Variants in ZHX2 observed in about 807,000 individuals in gnomAD.
ZHX2 encodes zinc fingers and homeoboxes 2.
Under a neutral mutation model 21.9 loss-of-function variants are expected in ZHX2, and 6 were observed. The ratio of observed to expected loss-of-function variants is 0.27; its 90% CI spans 0.15 to 0.54. The LOEUF is 0.54. Ranked by LOEUF, ZHX2 falls within the 20% of genes least tolerant of loss-of-function variation. The pLI is 0.95. For synonymous variants in ZHX2, 434 were observed against 437.1 expected, an observed-to-expected ratio of 0.99 and a Z score of 0.09; for missense variants, 908 against 1,090.7, an observed-to-expected ratio of 0.83 and a Z score of 2.36.
intron 2 of ZHX2, among the ~76,000 whole-genome samples, chr8:122,889,434 G>A (rs4377968): frequency 0.61 from 92,512 of 152,064 alleles, 29,078 homozygotes; most frequent in African/African-American, 0.76. Flanking sequence ...CTAGGGTGAG[G>A]TGATTTCTCA....
rs1256026235 is a variant in ZHX2, at chr8:122,951,319, G to A, written c.-192G>A. 1.3e-5 allele frequency: 8 copies of A among 592,842 alleles called. No individual in the cohort carries two copies. The East Asian group carries it at 2.3e-4, about 17-fold the overall frequency. The allele number at this position is 592,842 out of a possible 1,614,324, so 36.7% of individuals were successfully genotyped here. ...ATGATGCTTCCTGGTGTGTTTAGTG[G>A]TTGGTGCCATTCCAATTTTCTGTGC... On this transcript the variant is annotated 5_prime_UTR_variant, in exon 3 of 4. Coordinates refer to ENST00000314393, the MANE Select transcript of ZHX2 (RefSeq NM_014943.5).
At chr8:122,856,350 A>G (rs1819022301) in intron 1 of ZHX2, among the ~76,000 whole-genome samples, 1 of 152,212 alleles carries the variant, frequency 6.6e-6, no homozygotes, top group Non-Finnish European at 1.5e-5. Flanking sequence ...GATCCTAACC[A>G]GGCACAGCTT....
chr8:122,861,717 C>A (rs889880861), intron 1 of ZHX2, among the ~76,000 whole-genome samples: 4 of 152,138 alleles, frequency 2.6e-5, no homozygotes, highest in Non-Finnish European at 5.9e-5. Flanking sequence ...AACTGTGTGA[C>A]CTCAGGAAAG....
At chr8:122,925,906 G>A (rs1238800956) in intron 2 of ZHX2, among the ~76,000 whole-genome samples, 2 of 152,154 alleles carry the variant, frequency 1.3e-5, no homozygotes, top group African/African-American at 4.8e-5. Flanking sequence ...CATTGTGACT[G>A]CAAGTGGAGA....
intron 1 of ZHX2, among the ~76,000 whole-genome samples, chr8:122,786,719 C>T (rs1817403079): frequency 6.6e-6 from 1 of 151,990 alleles, no homozygotes. Context: ...TTCTGCCTCC[C>T]CCCACCCCCA....
rs1222580928 is a variant in ZHX2, at chr8:122,825,604, T to C, written c.-282-37873T>C. Reference sequence around the variant, plus strand: ...TTTTTAGTCTCCTGACATATGAAGATATGCCTCTGTCAACCAGGGGCTCAG... The same window carrying C: ...TTTTTAGTCTCCTGACATATGAAGACATGCCTCTGTCAACCAGGGGCTCAG... On this transcript the variant is annotated intron_variant, in intron 1 of 3. Coordinates refer to ENST00000314393, the MANE Select transcript of ZHX2 (RefSeq NM_014943.5). Among the ~76,000 whole-genome samples, 3 of 152,186 alleles carry C rather than the reference T, an allele frequency of 2.0e-5. No homozygotes were observed. The East Asian group carries it at 5.8e-4, about 29-fold the overall frequency.
chr8:122,855,118 C>G (rs1003113125), intron 1 of ZHX2, among the ~76,000 whole-genome samples: 1 of 152,134 alleles, frequency 6.6e-6, no homozygotes, highest in Non-Finnish European at 1.5e-5. Flanking sequence ...CACTGTGGGA[C>G]CTTAGTCAAG....
At chr8:122,803,407 C>T (rs775453665) in intron 1 of ZHX2, among the ~76,000 whole-genome samples, 3 of 152,220 alleles carry the variant, frequency 2.0e-5, no homozygotes, top group African/African-American at 4.8e-5. Flanking sequence ...TCCACCAAGA[C>T]GCCTTCTCTG....
At chr8:122,937,964 T>C (rs1278442513) in intron 2 of ZHX2, among the ~76,000 whole-genome samples, 1 of 82,034 alleles carries the variant, frequency 1.2e-5, no homozygotes, top group Non-Finnish European at 2.2e-5. Context: ...TGAGACGGAG[T>C]CTGGCTCTGT....
intron 2 of ZHX2, among the ~76,000 whole-genome samples, chr8:122,873,787 C>G (rs1368604950): frequency 6.6e-6 from 1 of 152,164 alleles, no homozygotes; most frequent in Non-Finnish European, 1.5e-5. Flanking sequence ...TGGAAGCTCT[C>G]AGGGAGAATC....
intron 1 of ZHX2, among the ~76,000 whole-genome samples, chr8:122,842,546 A>T (rs1403399510): frequency 3.3e-5 from 5 of 151,094 alleles, no homozygotes; most frequent in African/African-American, 9.8e-5. Flanking sequence ...TCTACTAAAA[A>T]CACAAAAAAA....
intron 2 of ZHX2, among the ~76,000 whole-genome samples, chr8:122,891,828 T>C (rs1175885127): frequency 2.1e-4 from 32 of 152,246 alleles, no homozygotes; most frequent in Admixed American, 2.1e-3. Flanking sequence ...GAGAGTTGTT[T>C]TGTGGCCTAA....
At chr8:122,887,944 C>T (rs1024441221) in intron 2 of ZHX2, among the ~76,000 whole-genome samples, 2 of 152,146 alleles carry the variant, frequency 1.3e-5, no homozygotes, top group African/African-American at 4.8e-5. Flanking sequence ...CCAGTGTTTG[C>T]GTTGGGCTCT....
intron 2 of ZHX2, among the ~76,000 whole-genome samples, chr8:122,877,914 C>T (rs1365057514): frequency 2.0e-5 from 3 of 151,928 alleles, no homozygotes; most frequent in African/African-American, 7.3e-5. Flanking sequence ...ACAAATATGA[C>T]CTATTTATTT....
In ZHX2 at chr8:122,943,794, G is replaced by A. The variant is rs114298852; in HGVS notation, c.-219-7498G>A. Among the ~76,000 whole-genome samples the A allele has an allele frequency of 1.7e-3, 255 of 152,062 alleles. 1 individual carries two copies. The highest frequency in any genetic ancestry group is 5.8e-3 in the African/African-American group (240 of 41,482). On this transcript the variant is annotated intron_variant, in intron 2 of 3. Transcript: ENST00000314393. The stretch of plus-strand genomic sequence containing the variant: ...TCTTCATTGATGTGCCTCTTTTCCC[G>A]CCAGCCCCACCCCACACCTTGAATC...
intron 2 of ZHX2, among the ~76,000 whole-genome samples, chr8:122,903,488 G>A (rs1462061238): frequency 6.6e-5 from 10 of 152,206 alleles, no homozygotes; most frequent in Admixed American, 6.5e-4. Flanking sequence ...ATTGGAGAAC[G>A]TGGGCATTGA....
At chr8:122,867,487 CT>C (rs1819327424) in intron 2 of ZHX2, among the ~76,000 whole-genome samples, 1 of 152,216 alleles carries the variant, frequency 6.6e-6, no homozygotes, top group Non-Finnish European at 1.5e-5. Flanking sequence ...ACCACTGAAA[CT>C]CTAACAGAAG....
At chr8:122,834,907 G>T (rs953267370) in intron 1 of ZHX2, among the ~76,000 whole-genome samples, 2 of 152,194 alleles carry the variant, frequency 1.3e-5, no homozygotes, top group African/African-American at 2.4e-5. Flanking sequence ...TTCAACGGTG[G>T]CATCCAGAGG....
chr8:122,891,598 A>C (rs1172588120), intron 2 of ZHX2, among the ~76,000 whole-genome samples: 1 of 152,146 alleles, frequency 6.6e-6, no homozygotes, highest in Non-Finnish European at 1.5e-5. Flanking sequence ...CTTTTGCTGT[A>C]TCCCATAGGT....
Sources: gnomAD v4.1 joint callset for allele counts (sites outside exome capture counted in the v4.1 genomes callset) on GRCh38, gnomAD v4.1.1 for gene constraint, MANE v1.5 for transcripts, NCBI Gene and HGNC (gene_info 2026-07-23, HGNC 2026-07-21) for gene names.